The following LRRIQ3 variants were observed in gnomAD, a reference collection of about 807,000 sequenced individuals.
The protein encoded by LRRIQ3 is leucine-rich repeat and IQ domain-containing protein 3.
A neutral mutation model predicts 59.3 loss-of-function variants in LRRIQ3; 75 were observed. The observed-to-expected ratio is 1.26, with a 90% CI of 1.05 to 1.53. LRRIQ3 has a LOEUF of 1.53. Among genes scored for constraint, LRRIQ3 ranks in the 40% most tolerant of loss-of-function variants. The probability of loss-of-function intolerance (pLI) is 0.00; values close to 1 mark genes in which losing one functional copy is unlikely to be tolerated. For missense variants in LRRIQ3, 831 were observed against 710.0 expected (o/e 1.17, Z -1.94); for synonymous variants, 250 against 231.3 (o/e 1.08, Z -0.73).
At position 74,026,332 on chromosome 1, in the gene LRRIQ3, T is replaced by C. The variant is rs965137770; in HGVS notation, c.*481A>G. The stretch of plus-strand genomic sequence containing the variant: ...TATCACTGACAAAATATTGAAACCA[T>C]ACTTTAAAAAATAAATTCAGAAATT... On this transcript the variant is annotated 3_prime_UTR_variant, in exon 8 of 8. Transcript: ENST00000354431. 6 of 152,216 alleles carry C rather than the reference T, an allele frequency of 3.9e-5. No homozygotes were observed. Among genetic ancestry groups the C allele is most frequent in the Admixed American group, 3.3e-4 (5 of 15,236 alleles). The allele number at this position is 152,216 out of a possible 1,614,324, so 9.4% of individuals were successfully genotyped here.
Position 74,041,589 on chromosome 1 carries a change from C to T in LRRIQ3, c.1342G>A (p.Val448Ile), listed in dbSNP as rs1253984416. ...GCTACTCTAACTCTTTCTCGAGCAA[C>T]TTGTGCCATGGCTACAACTCTTACT... The part of the protein sequence containing the change: ...EKVRVVAMAQ[V>I]ARERVRVAVN... The change falls in exon 7 of 8, where the codon GTT becomes ATT. Residue 448 changes from valine to isoleucine, a missense_variant. Physicochemically the swap from Val to Ile is conservative, Grantham distance 29. Transcript: ENST00000354431. 6.2e-7 allele frequency: 1 copy of T among 1,613,782 alleles called. No homozygotes were observed. The highest frequency in any genetic ancestry group is 8.5e-7 in the Non-Finnish European group (1 of 1,179,880).
At chr1:74,167,200 C>T (rs1342766157) in intron 3 of LRRIQ3, among the ~76,000 whole-genome samples, 3 of 151,944 alleles carry the variant, frequency 2.0e-5, no homozygotes, top group Admixed American at 2.0e-4. Flanking sequence ...AATATGGAAC[C>T]AGCCCAAATG....
chr1:74,056,356 T>A (rs1442979604), intron 6 of LRRIQ3, among the ~76,000 whole-genome samples: 2 of 152,110 alleles, frequency 1.3e-5, no homozygotes, highest in African/African-American at 4.8e-5. Context: ...AACATAGTAC[T>A]AGAAGTTGCA....
intron 6 of LRRIQ3, among the ~76,000 whole-genome samples, chr1:74,061,755 T>C (rs1654727372): frequency 6.6e-6 from 1 of 152,062 alleles, no homozygotes; most frequent in Non-Finnish European, 1.5e-5. Flanking sequence ...ACAAATCAGG[T>C]TGGGCATGGT....
chr1:74,074,582 A>G, intron 6 of LRRIQ3, 79 bp downstream of exon 6: 1 of 627,064 alleles, frequency 1.6e-6, no homozygotes, highest in Non-Finnish European at 2.3e-6. Context: ...GCAAATCAAC[A>G]TGCCCAATTT....
At chr1:74,146,917 A>C (rs1647605728) in intron 4 of LRRIQ3, among the ~76,000 whole-genome samples, 1 of 152,344 alleles carries the variant, frequency 6.6e-6, no homozygotes. Context: ...TAATAAATAA[A>C]ATAGTCTTTA....
In LRRIQ3 at chr1:74,059,725, C is replaced by A. The variant is rs536878995; in HGVS notation, c.997+14936G>T. 3.0e-4 allele frequency among the ~76,000 whole-genome samples: 45 copies of A among 152,042 alleles called. 1 individual carries two copies. In the South Asian group the frequency reaches 9.3e-3, roughly 32 times the overall value. On this transcript the variant is annotated intron_variant, in intron 6 of 7. Transcript: ENST00000354431. ...GACTTTAGGATCATCTTTTCCATTT[C>A]TGAAAAGAAAAAGCATTGAAATTTT...
At chr1:74,060,943 G>C (rs1404327545) in intron 6 of LRRIQ3, among the ~76,000 whole-genome samples, 3 of 152,102 alleles carry the variant, frequency 2.0e-5, no homozygotes, top group African/African-American at 7.2e-5. Context: ...TAGCAGGCAA[G>C]AAGCGTCCCA....
intron 4 of LRRIQ3, among the ~76,000 whole-genome samples, chr1:74,112,933 TAAATTATATACAA>T (rs1646722335): frequency 6.6e-6 from 1 of 151,952 alleles, no homozygotes; most frequent in African/African-American, 2.4e-5. Context: ...CACAAAAATG[TAAATTATATACAA>T]AATAGGGCAG....
intron 1 of LRRIQ3, among the ~76,000 whole-genome samples, chr1:74,189,432 T>C (rs1215535386): frequency 6.6e-6 from 1 of 152,164 alleles, no homozygotes; most frequent in Admixed American, 6.6e-5. Context: ...GTAAATTATG[T>C]ATGCTGTGCC....
At chr1:74,144,024 A>C (rs1012586637) in intron 4 of LRRIQ3, among the ~76,000 whole-genome samples, 2 of 151,924 alleles carry the variant, frequency 1.3e-5, no homozygotes, top group Admixed American at 6.6e-5. Flanking sequence ...ATGTACATTT[A>C]AAATGCATAA....
At chr1:74,140,322 TGA>T (rs1647210618) in intron 4 of LRRIQ3, among the ~76,000 whole-genome samples, 1 of 151,916 alleles carries the variant, frequency 6.6e-6, no homozygotes, top group African/African-American at 2.4e-5. Flanking sequence ...CTAGATGAAT[TGA>T]GAGTCATTTC....
chr1:74,154,081 A>C (rs1441694025), intron 4 of LRRIQ3, among the ~76,000 whole-genome samples: 1 of 151,880 alleles, frequency 6.6e-6, no homozygotes, highest in Non-Finnish European at 1.5e-5. Context: ...CTCTACTAAA[A>C]ATATAAAAAA....
At chr1:74,104,785 A>G (rs1369724180) in intron 5 of LRRIQ3, among the ~76,000 whole-genome samples, 1 of 152,004 alleles carries the variant, frequency 6.6e-6, no homozygotes, top group Non-Finnish European at 1.5e-5. Context: ...AAAGTGTACA[A>G]CACCAACAAT....
At chr1:74,094,246 T>C (rs554252235) in intron 5 of LRRIQ3, among the ~76,000 whole-genome samples, 48 of 152,206 alleles carry the variant, frequency 3.2e-4, no homozygotes, top group Non-Finnish European at 5.6e-4. Context: ...TTTCAACGTA[T>C]GAATTTTGAA....
intron 5 of LRRIQ3, among the ~76,000 whole-genome samples, chr1:74,094,878 T>C (rs1211185156): frequency 6.6e-6 from 1 of 152,096 alleles, no homozygotes; most frequent in Non-Finnish European, 1.5e-5. Context: ...TTGGAAAAGG[T>C]ACAGGCAAAT....
At position 74,041,443 on chromosome 1, in the gene LRRIQ3, T is replaced by G. The variant is rs1654041481; in HGVS notation, c.1488A>C (p.Lys496Asn). The change falls in exon 7 of 8, where the codon AAA becomes AAC. Residue 496 changes from lysine to asparagine, a missense_variant. Lys to Asn is a moderately conservative substitution (Grantham distance 94). Transcript: ENST00000354431. ...GAAACAGAGCTTTTCTCTCTCTAGC[T>G]TTTTCAAGGTAGTTGAATCTGTTTT... ...VWQNRFNYLE[K>N]ARERKALFLK... is the part of the protein sequence containing the mutation. 1 of 1,613,600 alleles carries G rather than the reference T, an allele frequency of 6.2e-7. No homozygotes were observed. The highest frequency in any genetic ancestry group is 8.5e-7 in the Non-Finnish European group (1 of 1,179,864).
At position 74,043,993 on chromosome 1, in the gene LRRIQ3, C is replaced by A. The variant is rs140056910; in HGVS notation, c.998-2060G>T. Among the ~76,000 whole-genome samples, 417 of 152,124 alleles carry A rather than the reference C, an allele frequency of 2.7e-3. 1 individual carries two copies. The highest frequency in any genetic ancestry group is 9.5e-3 in the African/African-American group (393 of 41,532). On this transcript the variant is annotated intron_variant, in intron 6 of 7. Transcript: ENST00000354431. ...CTATGCATTCTTCCATGTCTTTTCA[C>A]GTCATATTTTCCTTATTGCTTAAAA...
Position 74,061,676 on chromosome 1 carries a change from T to C in LRRIQ3, c.997+12985A>G, listed in dbSNP as rs544618924. 1.2e-4 allele frequency among the ~76,000 whole-genome samples: 19 copies of C among 152,284 alleles called. No individual in the cohort carries two copies. The South Asian group carries it at 3.7e-3, about 30-fold the overall frequency. On this transcript the variant is annotated intron_variant, in intron 6 of 7. Transcript: ENST00000354431. ...GAAGGTAACCTAGGAAATACCATTCTGGACATGGGACCAGGCAAAGATTTC... is the reference window on the plus strand; with the variant it reads ...GAAGGTAACCTAGGAAATACCATTCCGGACATGGGACCAGGCAAAGATTTC...
Sources: allele counts gnomAD v4.1 joint callset (sites outside exome capture counted in the v4.1 genomes callset), GRCh38; gene constraint gnomAD v4.1.1; transcripts MANE v1.5; gene names NCBI Gene and HGNC (gene_info 2026-07-23, HGNC 2026-07-21).